The following ASAP1 variants were observed in gnomAD, a reference collection of about 807,000 sequenced individuals.
The protein encoded by ASAP1 is ArfGAP with SH3 domain, ankyrin repeat and PH domain 1.
In ASAP1, 43 loss-of-function variants were observed where a neutral mutation model predicts 145.2. That is an observed-to-expected ratio of 0.30 (90% CI 0.23 to 0.38). ASAP1 has a LOEUF of 0.38. Ranked by LOEUF, ASAP1 falls within the 10% of genes least tolerant of loss-of-function variation. The probability of loss-of-function intolerance (pLI) is 1.00; values close to 1 mark genes in which losing one functional copy is unlikely to be tolerated. For synonymous variants in ASAP1, 546 were observed against 515.5 expected (o/e 1.06, Z -0.80); for missense variants, 1,018 against 1,355.3 (o/e 0.75, Z 3.91).
rs559835737 is a variant in ASAP1 at position 130,282,132 on chromosome 8, A to G, written c.187-45138T>C. Among the ~76,000 whole-genome samples the G allele has an allele frequency of 2.6e-5, 4 of 151,922 alleles. No individual in the cohort carries two copies. The South Asian group carries it at 6.2e-4, about 24-fold the overall frequency. ...AATTACTCTTGCACCAACCAAATATATATGTTCTACATTTTGCAGTATCTT... is the reference window on the plus strand; with the variant it reads ...AATTACTCTTGCACCAACCAAATATGTATGTTCTACATTTTGCAGTATCTT... On this transcript the variant is annotated intron_variant, in intron 3 of 29. Coordinates refer to ENST00000518721, the MANE Select transcript of ASAP1 (RefSeq NM_018482.4).
At chr8:130,402,555 T>G (rs1828843674) in intron 1 of ASAP1, among the ~76,000 whole-genome samples, 1 of 152,156 alleles carries the variant, frequency 6.6e-6, no homozygotes, top group Non-Finnish European at 1.5e-5. Context: ...GCTTCAATAT[T>G]TGCAGAATAG....
At chr8:130,129,690 A>G (rs945452393) in intron 15 of ASAP1, among the ~76,000 whole-genome samples, 38 of 152,306 alleles carry the variant, frequency 2.5e-4, no homozygotes, top group African/African-American at 7.9e-4. Flanking sequence ...ACAGCATAAG[A>G]ATTAAAAACC....
At chr8:130,320,059 T>C (rs1210194296) in intron 3 of ASAP1, among the ~76,000 whole-genome samples, 1 of 152,238 alleles carries the variant, frequency 6.6e-6, no homozygotes, top group Non-Finnish European at 1.5e-5. Context: ...CTTTGTACTT[T>C]TCTGTATTTT....
intron 3 of ASAP1, among the ~76,000 whole-genome samples, chr8:130,248,327 C>T: frequency 6.6e-6 from 1 of 152,102 alleles, no homozygotes; most frequent in East Asian, 1.9e-4. Context: ...GTGGGGATAC[C>T]TGGTGAAGAC....
chr8:130,241,052 C>T (rs541840005), intron 3 of ASAP1, among the ~76,000 whole-genome samples: 2 of 152,212 alleles, frequency 1.3e-5, no homozygotes, highest in East Asian at 3.9e-4. Context: ...CGAGTGGTAT[C>T]CCTCAGTCAC....
intron 27 of ASAP1, among the ~76,000 whole-genome samples, chr8:130,062,426 G>C (rs1279820272): frequency 1.3e-5 from 2 of 152,202 alleles, no homozygotes; most frequent in Non-Finnish European, 2.9e-5. Context: ...CTGCTCACAG[G>C]CTGGTCCCTA....
At chr8:130,072,824 T>TGTGCGCGCGCGC in intron 27 of ASAP1, among the ~76,000 whole-genome samples, 5 of 32,264 alleles carry the variant, frequency 1.5e-4, no homozygotes, top group East Asian at 4.8e-3. Flanking sequence ...TGTGTGTGTG[T>TGTGCGCGCGCGC]GCGCGCGGGG....
chr8:130,313,723 C>A (rs1823496731), intron 3 of ASAP1, among the ~76,000 whole-genome samples: 1 of 152,176 alleles, frequency 6.6e-6, no homozygotes, highest in Non-Finnish European at 1.5e-5. Context: ...ATTCAAAAAT[C>A]TTATGAATTT....
At chr8:130,221,156 C>T (rs1817272384) in intron 4 of ASAP1, among the ~76,000 whole-genome samples, 1 of 151,984 alleles carries the variant, frequency 6.6e-6, no homozygotes, top group African/African-American at 2.4e-5. Flanking sequence ...CTTGCTGGAG[C>T]CTGGGAAGTT....
chr8:130,333,419 T>C (rs1321140631), intron 3 of ASAP1, among the ~76,000 whole-genome samples: 1 of 152,122 alleles, frequency 6.6e-6, no homozygotes. Flanking sequence ...CTGACCAACA[T>C]GGTGAAACCC....
chr8:130,119,542 C>A (rs1294569992), intron 18 of ASAP1, among the ~76,000 whole-genome samples: 1 of 152,162 alleles, frequency 6.6e-6, no homozygotes, highest in Non-Finnish European at 1.5e-5. Context: ...CCAATGGTCA[C>A]CTTGGCCACC....
intron 3 of ASAP1, among the ~76,000 whole-genome samples, chr8:130,255,450 C>A (rs924940051): frequency 1.3e-5 from 2 of 152,128 alleles, no homozygotes; most frequent in Non-Finnish European, 1.5e-5. Context: ...CTGCAAATAA[C>A]CTTTGCATAT....
At chr8:130,376,403 G>A (rs1206809694) in intron 2 of ASAP1, among the ~76,000 whole-genome samples, 2 of 151,772 alleles carry the variant, frequency 1.3e-5, no homozygotes, top group Non-Finnish European at 2.9e-5. Context: ...GGAGCAAGAA[G>A]AGCATGGCAT....
At chr8:130,137,084 CTT>C (rs771524101) in intron 13 of ASAP1, 46 bp from the exon 14 acceptor site, 14 of 1,520,060 alleles carry the variant, frequency 9.2e-6, no homozygotes, top group South Asian at 2.2e-5. Flanking sequence ...GCTCCACTCT[CTT>C]GTCTGCAGGT....
intron 12 of ASAP1, among the ~76,000 whole-genome samples, chr8:130,157,717 C>T (rs892830884): frequency 6.6e-6 from 1 of 152,174 alleles, no homozygotes; most frequent in South Asian, 2.1e-4. Flanking sequence ...GAGATGCATG[C>T]TCCTGACTAC....
chr8:130,368,877 T>C (rs1489718731), intron 2 of ASAP1, among the ~76,000 whole-genome samples: 3 of 152,032 alleles, frequency 2.0e-5, no homozygotes, highest in Non-Finnish European at 4.4e-5. Context: ...TGTGAGCAAC[T>C]GTACTTCTTT....
At position 130,358,284 on chromosome 8, in the gene ASAP1, C is replaced by G. The variant is rs539764370; in HGVS notation, c.60-141G>C. 1.1e-4 allele frequency: 59 copies of G among 528,388 alleles called. No individual in the cohort carries two copies. The highest frequency in any genetic ancestry group is 1.3e-4 in the Non-Finnish European group (52 of 397,072). The allele number at this position is 528,388 out of a possible 1,614,324, so 32.7% of individuals were successfully genotyped here. On this transcript the variant is annotated intron_variant, in intron 2 of 29. Coordinates refer to ENST00000518721, the MANE Select transcript of ASAP1 (RefSeq NM_018482.4). The surrounding 1 kb of genome is among the most constrained non-coding windows in gnomAD (Gnocchi z 4.1). ...CCCGGCCTGGCGCGCGGCTCCCGTC[C>G]CCGGCAGCGGCGAGAGGGAGGGAAG...
Position 130,054,565 on chromosome 8 carries a change from GA to G in ASAP1, c.*165del. 1 of 606,260 alleles carries G rather than the reference GA, an allele frequency of 1.6e-6. No individual in the cohort carries two copies. Among genetic ancestry groups the G allele is most frequent in the Non-Finnish European group, 2.9e-6 (1 of 339,666 alleles). The allele number at this position is 606,260 out of a possible 1,614,324, so 37.6% of individuals were successfully genotyped here. A position where few individuals can be genotyped will look rare whatever the true frequency, so the allele number is the denominator to read the frequency against. On this transcript the variant is annotated 3_prime_UTR_variant, in exon 30 of 30. Coordinates refer to ENST00000518721, the MANE Select transcript of ASAP1 (RefSeq NM_018482.4). ...GGCTACCCTCATACTGGTGAAGGCA[GA>G]AAACCACAGGATATTTACAACACAC... is the stretch of plus-strand genomic sequence containing the variant.
intron 3 of ASAP1, among the ~76,000 whole-genome samples, chr8:130,335,939 C>G (rs1023236534): frequency 3.9e-5 from 6 of 152,066 alleles, no homozygotes; most frequent in Non-Finnish European, 7.4e-5. Context: ...AGTGTGAACT[C>G]CAAGCAACTT....
Sources: allele counts gnomAD v4.1 joint callset (sites outside exome capture counted in the v4.1 genomes callset), GRCh38; gene constraint gnomAD v4.1.1; non-coding constraint Gnocchi (gnomAD v3.1); transcripts MANE v1.5; gene names NCBI Gene and HGNC (gene_info 2026-07-23, HGNC 2026-07-21).